CSMD2: variants seen among roughly 807,000 people sequenced by gnomAD.
CSMD2 encodes CUB and Sushi multiple domains 2.
CSMD2 carries 130 observed loss-of-function variants against 398.5 expected under a neutral mutation model. The observed-to-expected ratio is 0.33, with a 90% CI of 0.28 to 0.38. CSMD2 has a LOEUF of 0.38. Among genes scored for constraint, CSMD2 ranks in the 10% least tolerant of loss-of-function variants. CSMD2 has a pLI of 1.00. For synonymous variants in CSMD2, 1,828 were observed against 1,908.5 expected (o/e 0.96, Z 1.10); for missense variants, 3,829 against 4,764.9 (o/e 0.80, Z 5.78).
chr1:34,108,395 T>C (rs1383544077), intron 1 of CSMD2, among the ~76,000 whole-genome samples: 1 of 152,218 alleles, frequency 6.6e-6, no homozygotes, highest in Non-Finnish European at 1.5e-5. Flanking sequence ...TAGTCACTTA[T>C]GGCCCCTGCC....
At chr1:33,529,861 A>T (rs1655090071) in intron 64 of CSMD2, among the ~76,000 whole-genome samples, 1 of 152,208 alleles carries the variant, frequency 6.6e-6, no homozygotes, top group Non-Finnish European at 1.5e-5. Flanking sequence ...AATGGGAAAA[A>T]ATTTGCAAAT....
At chr1:34,042,920 C>G (rs1034967666) in intron 2 of CSMD2, among the ~76,000 whole-genome samples, 11 of 149,502 alleles carry the variant, frequency 7.4e-5, no homozygotes, top group African/African-American at 2.7e-4. Flanking sequence ...TCCCGAGTAG[C>G]TAGGATTACA....
intron 3 of CSMD2, among the ~76,000 whole-genome samples, chr1:33,988,439 C>A (rs76266939): frequency 0.043 from 6,542 of 152,304 alleles, 484 homozygotes; most frequent in African/African-American, 0.15. Flanking sequence ...TCACATCCCC[C>A]ACCCTGCAGG....
chr1:33,687,528 A>C (rs1457132515), intron 25 of CSMD2, among the ~76,000 whole-genome samples: 1 of 152,202 alleles, frequency 6.6e-6, no homozygotes, highest in East Asian at 1.9e-4. Flanking sequence ...AAGCCAATTA[A>C]AGCAGATCAG....
intron 1 of CSMD2, among the ~76,000 whole-genome samples, chr1:34,141,621 C>T (rs1639303829): frequency 6.6e-6 from 1 of 152,068 alleles, no homozygotes; most frequent in Non-Finnish European, 1.5e-5. Context: ...AAGCCACTGG[C>T]CGGAGCAGAG....
chr1:33,694,067 T>TAACAAC (rs141431949), intron 24 of CSMD2, among the ~76,000 whole-genome samples: 4 of 151,442 alleles, frequency 2.6e-5, no homozygotes, highest in Non-Finnish European at 5.9e-5. Flanking sequence ...CTCAAAACAA[T>TAACAAC]AACAACAACA....
At chr1:33,554,640 T>C (rs1284782844) in intron 55 of CSMD2, among the ~76,000 whole-genome samples, 4 of 152,170 alleles carry the variant, frequency 2.6e-5, no homozygotes, top group African/African-American at 9.7e-5. Flanking sequence ...TTACCCATTC[T>C]GAAAATCCTA....
chr1:33,648,292 G>T (rs763416918), intron 28 of CSMD2, among the ~76,000 whole-genome samples: 29 of 150,548 alleles, frequency 1.9e-4, no homozygotes, highest in Non-Finnish European at 1.0e-4. Flanking sequence ...AACCCGGGAG[G>T]TGGAGTTTGC....
chr1:33,670,289 G>A (rs1247337331), intron 25 of CSMD2, among the ~76,000 whole-genome samples: 1 of 151,984 alleles, frequency 6.6e-6, no homozygotes, highest in African/African-American at 2.4e-5. Context: ...CTATATCTCT[G>A]GTACCCAGCA....
At chr1:33,646,566 T>C in intron 29 of CSMD2, 82 bp downstream of exon 29, 1 of 1,455,848 alleles carries the variant, frequency 6.9e-7, no homozygotes, top group Non-Finnish European at 9.5e-7. Flanking sequence ...AGCCCAGGGC[T>C]CTCCTCACTA....
chr1:33,946,923 C>T (rs941740693), intron 3 of CSMD2, among the ~76,000 whole-genome samples: 2 of 152,148 alleles, frequency 1.3e-5, no homozygotes, highest in African/African-American at 2.4e-5. Context: ...GCATGAGCCA[C>T]CCCGCCCGGC....
intron 5 of CSMD2, among the ~76,000 whole-genome samples, chr1:33,898,375 C>A (rs1021877500): frequency 1.3e-5 from 2 of 152,184 alleles, no homozygotes; most frequent in African/African-American, 2.4e-5. Flanking sequence ...AAAAACACAA[C>A]CCCCTGCTTT....
At chr1:33,520,699 A>G (rs920550628) in intron 68 of CSMD2, among the ~76,000 whole-genome samples, 2 of 152,242 alleles carry the variant, frequency 1.3e-5, no homozygotes, top group African/African-American at 4.8e-5. Flanking sequence ...ACCGTGGCTC[A>G]GTCCAGAGAA....
intron 16 of CSMD2, 83 bp from the exon 17 acceptor site, chr1:33,725,619 G>A (rs1005039699): frequency 5.2e-6 from 7 of 1,338,260 alleles, no homozygotes; most frequent in Middle Eastern, 1.8e-4. Context: ...CCTGACCCAG[G>A]GCTTCCGAAT....
rs1653609755 is a variant in CSMD2, at chr1:33,514,631, G to A, written c.*1993C>T. ...GGTCTGAGAGGGGCATAAGAAGGGG[G>A]AAGGGAGCAGTCGAAGGAGAGGAGT... On this transcript the variant is annotated 3_prime_UTR_variant, in exon 71 of 71. Coordinates refer to ENST00000373381, the MANE Select transcript of CSMD2 (RefSeq NM_001281956.2). The A allele has an allele frequency of 6.6e-6, 1 of 151,896 alleles. No individual in the cohort carries two copies. The allele number at this position is 151,896 out of a possible 1,614,324, so 9.4% of individuals were successfully genotyped here. A position where few individuals can be genotyped will look rare whatever the true frequency, so the allele number is the denominator to read the frequency against.
chr1:33,958,432 G>C (rs887811120), intron 3 of CSMD2, among the ~76,000 whole-genome samples: 3 of 152,166 alleles, frequency 2.0e-5, no homozygotes, highest in Non-Finnish European at 4.4e-5. Flanking sequence ...GACCCGTAGA[G>C]ATGATGGGCT....
At chr1:33,951,754 T>C (rs769553247) in intron 3 of CSMD2, among the ~76,000 whole-genome samples, 5 of 152,198 alleles carry the variant, frequency 3.3e-5, no homozygotes, top group Non-Finnish European at 7.3e-5. Flanking sequence ...TCCTACACAA[T>C]CTGGACTCAG....
In CSMD2 at chr1:33,521,453, C is replaced by T. The variant is rs1267449873; in HGVS notation, c.10597+10G>A. On this transcript the variant is annotated intron_variant, in intron 68 of 70. Coordinates refer to ENST00000373381, the MANE Select transcript of CSMD2 (RefSeq NM_001281956.2). Reference sequence around the variant, plus strand: ...CGGGCCCACACTTCCGGGGGACAAGCACTAGTTACCCAGTCTTTGAAAGCC... The same window carrying T: ...CGGGCCCACACTTCCGGGGGACAAGTACTAGTTACCCAGTCTTTGAAAGCC... 1.3e-6 allele frequency: 2 copies of T among 1,547,758 alleles called. No individual in the cohort carries two copies. The highest frequency in any genetic ancestry group is 1.8e-6 in the Non-Finnish European group (2 of 1,119,730).
intron 5 of CSMD2, among the ~76,000 whole-genome samples, chr1:33,857,354 TCAGATGGGAGAAATC>T (rs1639172989): frequency 6.6e-6 from 1 of 152,182 alleles, no homozygotes; most frequent in South Asian, 2.1e-4. Flanking sequence ...ACTTTGGCTT[TCAGATGGGAGAAATC>T]CAGATCACAT....
Sources: allele counts gnomAD v4.1 joint callset (sites outside exome capture counted in the v4.1 genomes callset), GRCh38; gene constraint gnomAD v4.1.1; transcripts MANE v1.5; gene names NCBI Gene and HGNC (gene_info 2026-07-23, HGNC 2026-07-21).